ARHGEF10L: variants seen among roughly 807,000 people sequenced by gnomAD.
ARHGEF10L encodes the protein Rho guanine nucleotide exchange factor 10 like, also known as rho guanine nucleotide exchange factor 10-like protein.
In ARHGEF10L, 69 loss-of-function variants were observed where a neutral mutation model predicts 141.2. The observed-to-expected ratio is 0.49, with a 90% CI of 0.40 to 0.60. The LOEUF is 0.60. ARHGEF10L is among the 20% of genes least tolerant of loss of function. The pLI is 0.00. For missense variants in ARHGEF10L, 1,482 were observed against 1,734.3 expected, an observed-to-expected ratio of 0.85 and a Z score of 2.58; for synonymous variants, 711 against 718.5, an observed-to-expected ratio of 0.99 and a Z score of 0.17.
At chr1:17,523,218 T>TG in the ARHGEF10L span, among the ~76,000 whole-genome samples, 624 of 151,782 alleles carry the variant, frequency 4.1e-3, 5 homozygotes, top group African/African-American at 0.013. Flanking sequence ...CCCAAGTAGC[T>TG]GGGACTATAG....
Position 17,659,518 on chromosome 1 carries a change from C to T in ARHGEF10L, c.2860+2810C>T, listed in dbSNP as rs192636265. On this transcript the variant is annotated intron_variant, in intron 25 of 28. Coordinates refer to ENST00000361221, the MANE Select transcript of ARHGEF10L (RefSeq NM_018125.4). ...CAGATTCACTGAGGCCTTAGATACC[C>T]CTCAGATACCCCCACCCATCCCAGC... is the stretch of plus-strand genomic sequence containing the variant. Among the ~76,000 whole-genome samples, 29 of 152,264 alleles carry T rather than the reference C, an allele frequency of 1.9e-4. No homozygotes were observed. The East Asian group carries it at 3.9e-3, about 20-fold the overall frequency.
intron 27 of ARHGEF10L, among the ~76,000 whole-genome samples, chr1:17,692,970 G>A (rs1367290601): frequency 6.6e-6 from 1 of 152,106 alleles, no homozygotes; most frequent in Non-Finnish European, 1.5e-5. Context: ...GCAGCCTCAC[G>A]CCTGCCTCCC....
intron 1 of ARHGEF10L, among the ~76,000 whole-genome samples, chr1:17,577,083 G>T (rs190395074): frequency 9.1e-4 from 139 of 152,274 alleles, no homozygotes; most frequent in Non-Finnish European, 1.4e-3. Context: ...TTGCTCTGTC[G>T]CCTAGGCTGG....
the ARHGEF10L span, among the ~76,000 whole-genome samples, chr1:17,528,647 C>G: frequency 6.6e-6 from 1 of 152,200 alleles, no homozygotes; most frequent in South Asian, 2.1e-4. Context: ...ATTCATTCAT[C>G]TGAAGACTGT....
At chr1:17,587,034 G>T (rs1204750708) in intron 2 of ARHGEF10L, among the ~76,000 whole-genome samples, 6 of 152,160 alleles carry the variant, frequency 3.9e-5, no homozygotes, top group Admixed American at 3.9e-4. Context: ...AAGTGTAGTG[G>T]GAAGGATGCG....
intron 26 of ARHGEF10L, among the ~76,000 whole-genome samples, chr1:17,669,351 T>C (rs141081395): frequency 7.3e-4 from 111 of 152,312 alleles, no homozygotes; most frequent in African/African-American, 2.6e-3. Flanking sequence ...AGTAAACCAA[T>C]GTATACTGAG....
At position 17,558,253 on chromosome 1, in the gene ARHGEF10L, C is replaced by T. The variant is rs191776270; in HGVS notation, c.-44+18303C>T. On this transcript the variant is annotated intron_variant, in intron 1 of 28. Transcript: ENST00000361221. This position sits in a 1 kb window ranked among gnomAD's most constrained non-coding sequence, Gnocchi z 4.2. ...TTCATCCATTTATCTACCCATCCACCTACTCATTCATTCATCTATCCATCC... is the reference window on the plus strand; with the variant it reads ...TTCATCCATTTATCTACCCATCCACTTACTCATTCATTCATCTATCCATCC... Among the ~76,000 whole-genome samples the T allele has an allele frequency of 5.8e-4, 89 of 152,282 alleles. No individual in the cohort carries two copies. The highest frequency in any genetic ancestry group is 2.1e-3 in the African/African-American group (88 of 41,562).
intron 27 of ARHGEF10L, among the ~76,000 whole-genome samples, chr1:17,690,688 C>G (rs2065037001): frequency 6.6e-6 from 1 of 152,180 alleles, no homozygotes; most frequent in African/African-American, 2.4e-5. Flanking sequence ...TGAACTTTCC[C>G]AATCAGTAAC....
At position 17,697,309 on chromosome 1, in the gene ARHGEF10L, A is replaced by G; in HGVS notation, c.3769A>G (p.Ser1257Gly). 1 of 1,612,346 alleles carries G rather than the reference A, an allele frequency of 6.2e-7. No homozygotes were observed. Among genetic ancestry groups the G allele is most frequent in the Non-Finnish European group, 8.5e-7 (1 of 1,179,536 alleles). The change falls in exon 29 of 29, where the codon AGT (serine) becomes GGT (glycine). Residue 1257 changes from serine to glycine, a missense_variant. Ser to Gly is a moderately conservative substitution (Grantham distance 56). This residue lies in a region of ARHGEF10L where 858 missense variants were observed against 966.3 expected (regional missense o/e 0.89). Transcript: ENST00000361221. This position sits in a 1 kb window ranked among gnomAD's most constrained non-coding sequence, Gnocchi z 4.8. The part of the protein sequence containing the change: ...YRNFGSALGS[S>G]GRQAPCGETD... Reference sequence around the variant, plus strand: ...CAACTTTGGCAGCGCTCTGGGCAGCAGTGGGAGGCAGGCCCCGTGTGGGGA... The same window carrying G: ...CAACTTTGGCAGCGCTCTGGGCAGCGGTGGGAGGCAGGCCCCGTGTGGGGA...
At chr1:17,653,228 G>A (rs1436787626) in intron 22 of ARHGEF10L, among the ~76,000 whole-genome samples, 1 of 152,208 alleles carries the variant, frequency 6.6e-6, no homozygotes, top group East Asian at 1.9e-4. Flanking sequence ...CACTGAGCTG[G>A]GGCTGGAGCC....
rs1427336108 is a variant in ARHGEF10L at position 17,656,671 on chromosome 1, G to T, written c.2823G>T (p.Leu941=). 2 of 1,613,568 alleles carry T rather than the reference G, an allele frequency of 1.2e-6. No homozygotes were observed. The highest frequency in any genetic ancestry group is 1.1e-5 in the South Asian group (1 of 91,056). The stretch of plus-strand genomic sequence containing the variant: ...GCCCCTTCCACCTGCTCGCTGGCCT[G>T]CAGGATGGGACCCTTGCTGCTTACC... ...RHSPFHLLAG[L]QDGTLAAYPR... is the part of the protein sequence containing the mutation. Residue 941 remains leucine, a synonymous_variant, in exon 25 of 29, where the codon CTG becomes CTT. Coordinates refer to ENST00000361221, the MANE Select transcript of ARHGEF10L (RefSeq NM_018125.4). This position sits in a 1 kb window ranked among gnomAD's most constrained non-coding sequence, Gnocchi z 4.9.
rs146516221 is a variant in ARHGEF10L, at chr1:17,666,550, C to T, written c.3009+1955C>T. ...AGGACCTGGCAGTGAGGACCTTTAA[C>T]CTCACTGGTGCTACTGGGCTGGGCC... On this transcript the variant is annotated intron_variant, in intron 26 of 28. Coordinates refer to ENST00000361221, the MANE Select transcript of ARHGEF10L (RefSeq NM_018125.4). Among the ~76,000 whole-genome samples the T allele has an allele frequency of 8.2e-3, 1,251 of 152,228 alleles. 13 individuals carry two copies. Among genetic ancestry groups the T allele is most frequent in the Middle Eastern group, 0.027 (8 of 294 alleles).
At chr1:17,624,257 G>C in intron 12 of ARHGEF10L, 130 bp from the exon 13 acceptor site, 1 of 732,766 alleles carries the variant, frequency 1.4e-6, no homozygotes, top group Non-Finnish European at 2.5e-6. Context: ...GGTCCCAAGG[G>C]AGTGTGGGGT....
Position 17,618,624 on chromosome 1 carries a change from C to T in ARHGEF10L, c.836-715C>T, listed in dbSNP as rs960792324. 1.6e-5 allele frequency: 14 copies of T among 870,114 alleles called. No individual in the cohort carries two copies. In the Admixed American group the frequency reaches 4.9e-4, roughly 30 times the overall value. 53.9% of individuals were successfully genotyped at this position (870,114 alleles called of 1,614,324 possible). ...CTCACAGCTCCCATTTCCTGCTGCCCACAGCCACCGCTGGAGTCAGAGCCA... is the reference window on the plus strand; with the variant it reads ...CTCACAGCTCCCATTTCCTGCTGCCTACAGCCACCGCTGGAGTCAGAGCCA... On this transcript the variant is annotated intron_variant, in intron 9 of 28. Coordinates refer to ENST00000361221, the MANE Select transcript of ARHGEF10L (RefSeq NM_018125.4).
At chr1:17,559,836 C>T (rs1002436964) in intron 1 of ARHGEF10L, among the ~76,000 whole-genome samples, 1 of 152,080 alleles carries the variant, frequency 6.6e-6, no homozygotes, top group African/African-American at 2.4e-5. Context: ...GACTGTCCTC[C>T]TCCAGCCACA....
At chr1:17,618,637 G>A (rs916693389) in intron 9 of ARHGEF10L, 16 of 784,826 alleles carry the variant, frequency 2.0e-5, no homozygotes, top group African/African-American at 9.2e-5. Flanking sequence ...AGCCACCGCT[G>A]GAGTCAGAGC....
chr1:17,523,574 A>G, the ARHGEF10L span, among the ~76,000 whole-genome samples: 2 of 152,318 alleles, frequency 1.3e-5, no homozygotes, highest in African/African-American at 4.8e-5. Flanking sequence ...TGAAATCATC[A>G]GTCAGAAAGT....
At chr1:17,695,034 C>G (rs766948166) in intron 27 of ARHGEF10L, 124 bp from the exon 28 acceptor site, 36 of 1,446,364 alleles carry the variant, frequency 2.5e-5, no homozygotes, top group Non-Finnish European at 6.7e-6. Flanking sequence ...CCCACCCCAC[C>G]GCCCAACTTC....
the ARHGEF10L span, among the ~76,000 whole-genome samples, chr1:17,516,405 A>G: frequency 6.6e-6 from 1 of 152,162 alleles, no homozygotes; most frequent in African/African-American, 2.4e-5. Context: ...CCTCCCCTCT[A>G]CAGGGCCAGA....
Sources: allele counts gnomAD v4.1 joint callset (sites outside exome capture counted in the v4.1 genomes callset), GRCh38; gene constraint gnomAD v4.1.1; regional missense constraint gnomAD v4.1.1; non-coding constraint Gnocchi (gnomAD v3.1); transcripts MANE v1.5; gene names NCBI Gene and HGNC (gene_info 2026-07-23, HGNC 2026-07-21).